Variants in CCDC85C observed in about 807,000 individuals in gnomAD.
CCDC85C encodes coiled-coil domain containing 85C.
Under a neutral mutation model 38.3 loss-of-function variants are expected in CCDC85C, and 18 were observed. The ratio of observed to expected loss-of-function variants is 0.47; its 90% CI spans 0.33 to 0.70. CCDC85C has a LOEUF of 0.70. Among genes scored for constraint, CCDC85C ranks in the 30% least tolerant of loss-of-function variants. CCDC85C has a pLI of 0.03. For missense variants in CCDC85C, 566 were observed against 621.2 expected (o/e 0.91, Z 0.94); for synonymous variants, 264 against 293.8 (o/e 0.90, Z 1.04).
In CCDC85C at chr14:99,501,925, A is replaced by C; in HGVS notation, c.*13321T>G. 3.6e-6 allele frequency: 1 copy of C among 276,666 alleles called. No homozygotes were observed. Among genetic ancestry groups the C allele is most frequent in the Non-Finnish European group, 6.7e-6 (1 of 149,024 alleles). 17.1% of individuals were successfully genotyped at this position (276,666 alleles called of 1,614,324 possible). ...AAACAGTTGAGTGGCTAGGATTTCA[A>C]CAGTTTAAATAACATAAGTCATTTT... On this transcript the variant is annotated 3_prime_UTR_variant, in exon 6 of 6. Coordinates refer to ENST00000380243, the MANE Select transcript of CCDC85C (RefSeq NM_001144995.2).
At chr14:99,595,971 G>A (rs1206763434) in intron 1 of CCDC85C, among the ~76,000 whole-genome samples, 1 of 152,262 alleles carries the variant, frequency 6.6e-6, no homozygotes, top group African/African-American at 2.4e-5. Context: ...TGGGAGTCAA[G>A]AGGACCAGAG....
At position 99,516,120 on chromosome 14, in the gene CCDC85C, G is replaced by T; in HGVS notation, c.1170+68C>A. ...GGAGTCCCACATGGGGAAGGGTATG[G>T]CCATGCTGGGTGGCCCTGGTCGCAC... On this transcript the variant is annotated intron_variant, in intron 5 of 5. Coordinates refer to ENST00000380243, the MANE Select transcript of CCDC85C (RefSeq NM_001144995.2). The surrounding 1 kb of genome is among the most constrained non-coding windows in gnomAD (Gnocchi z 5.5). 1.7e-6 allele frequency: 2 copies of T among 1,193,232 alleles called. No homozygotes were observed. The highest frequency in any genetic ancestry group is 2.4e-6 in the Non-Finnish European group (2 of 823,452). 73.9% of individuals were successfully genotyped at this position (1,193,232 alleles called of 1,614,324 possible).
chr14:99,512,080 T>TATCA lies in CCDC85C; in HGVS notation c.*3162_*3165dup, dbSNP rs1318278539. 6.6e-6 allele frequency: 1 copy of TATCA among 152,256 alleles called. No homozygotes were observed. Among genetic ancestry groups the TATCA allele is most frequent in the East Asian group, 1.9e-4 (1 of 5,196 alleles). 9.4% of individuals were successfully genotyped at this position (152,256 alleles called of 1,614,324 possible). A position where few individuals can be genotyped will look rare whatever the true frequency, so the allele number is the denominator to read the frequency against. On this transcript the variant is annotated 3_prime_UTR_variant, in exon 6 of 6. Coordinates refer to ENST00000380243, the MANE Select transcript of CCDC85C (RefSeq NM_001144995.2). The stretch of plus-strand genomic sequence containing the variant: ...TATTTATCTAGCTCAAAGTAGACAC[T>TATCA]ATCACAATCTTGTTTGTTACTCCTT...
chr14:99,578,257 TGTGA>T (rs1382615252), intron 1 of CCDC85C, among the ~76,000 whole-genome samples: 6 of 148,970 alleles, frequency 4.0e-5, no homozygotes, highest in African/African-American at 1.3e-4. Context: ...TGTGTGTGTG[TGTGA>T]GTGTACACCT....
rs146872719 is a variant in CCDC85C at position 99,565,281 on chromosome 14, G to A, written c.794-29193C>T. On this transcript the variant is annotated intron_variant, in intron 1 of 5. Transcript: ENST00000380243. ...AATCCCCTCCTCCTCCACCACCCCT[G>A]CGGGGCTCAGCTCTGAGCAGGCTCT... Among the ~76,000 whole-genome samples, 246 of 152,254 alleles carry A rather than the reference G, an allele frequency of 1.6e-3. 2 individuals are homozygous for A. The highest frequency in any genetic ancestry group is 5.5e-3 in the African/African-American group (227 of 41,564).
In CCDC85C at chr14:99,517,167, G is replaced by A. The variant is rs1897239838; in HGVS notation, c.992C>T (p.Ala331Val). 1 of 1,548,338 alleles carries A rather than the reference G, an allele frequency of 6.5e-7. No homozygotes were observed. The change falls in exon 4 of 6, where the codon GCA (alanine) becomes GTA (valine). Residue 331 changes from alanine (A) to valine (V), a missense_variant. Around this residue, in one of 3 missense-constraint regions of CCDC85C, gnomAD observed 286 missense variants for 276.4 expected, o/e 1.03. Transcript: ENST00000380243. ...AGAGGGGGGCGAGGGCAGCTCAGGTGCGGGGCAGGCCGGGCCCTGGGGAAG... is the reference window on the plus strand; with the variant it reads ...AGAGGGGGGCGAGGGCAGCTCAGGTACGGGGCAGGCCGGGCCCTGGGGAAG... ...DSLQNGPACP[A>V]PELPSPPSAG... is the part of the protein sequence containing the mutation.
intron 1 of CCDC85C, among the ~76,000 whole-genome samples, chr14:99,593,371 C>T (rs1270003860): frequency 2.0e-5 from 3 of 152,216 alleles, no homozygotes; most frequent in East Asian, 1.9e-4. Flanking sequence ...TCGGTGCCAC[C>T]GGCCCTGCCT....
rs562413009 is a variant in CCDC85C, at chr14:99,572,675, G to A, written c.793+30492C>T. The A allele has an allele frequency of 2.2e-5, 10 of 455,996 alleles. No individual in the cohort carries two copies. In the Middle Eastern group the frequency reaches 9.8e-4, roughly 45 times the overall value. The allele number at this position is 455,996 out of a possible 1,614,324, so 28.2% of individuals were successfully genotyped here. On this transcript the variant is annotated intron_variant, in intron 1 of 5. Transcript: ENST00000380243. The surrounding 1 kb of genome is among the most constrained non-coding windows in gnomAD (Gnocchi z 4.4). Reference sequence around the variant, plus strand: ...CAGGTGACCTGGCCCCTCCTTAAGAGGCCTCCCCTGCCACCATCTGTTTTC... The same window carrying A: ...CAGGTGACCTGGCCCCTCCTTAAGAAGCCTCCCCTGCCACCATCTGTTTTC...
intron 1 of CCDC85C, among the ~76,000 whole-genome samples, chr14:99,599,249 C>T (rs991570505): frequency 1.3e-5 from 2 of 152,006 alleles, no homozygotes; most frequent in Non-Finnish European, 2.9e-5. Flanking sequence ...AATTTTAATC[C>T]GAACTTTAAA....
Position 99,503,162 on chromosome 14 carries a change from A to T in CCDC85C, c.*12084T>A. 1.3e-6 allele frequency: 1 copy of T among 764,442 alleles called. No homozygotes were observed. Among genetic ancestry groups the T allele is most frequent in the South Asian group, 1.5e-5 (1 of 68,698 alleles). The allele number at this position is 764,442 out of a possible 1,614,324, so 47.4% of individuals were successfully genotyped here. ...CTGAAAACAAAGGTGCTCCAAGGAC[A>T]GGCTGCCTCTGAGAACCAGGAGGGG... On this transcript the variant is annotated 3_prime_UTR_variant, in exon 6 of 6. Transcript: ENST00000380243.
chr14:99,577,796 A>AGTGT (rs60084575), intron 1 of CCDC85C, among the ~76,000 whole-genome samples: 8 of 125,132 alleles, frequency 6.4e-5, no homozygotes, highest in African/African-American at 2.7e-4. Flanking sequence ...ATCCCCCATC[A>AGTGT]GTGTGTGTGT....
At position 99,573,000 on chromosome 14, in the gene CCDC85C, G is replaced by T. The variant is rs1418188027; in HGVS notation, c.793+30167C>A. 8.2e-6 allele frequency: 3 copies of T among 367,854 alleles called. No homozygotes were observed. The highest frequency in any genetic ancestry group is 1.6e-5 in the Non-Finnish European group (3 of 186,764). The allele number at this position is 367,854 out of a possible 1,614,324, so 22.8% of individuals were successfully genotyped here. ...CAGCCTCAGAGCAGAAGGCACCCTG[G>T]TGACCGCAGGAGACGCCACACATAA... On this transcript the variant is annotated intron_variant, in intron 1 of 5. Transcript: ENST00000380243. This position sits in a 1 kb window ranked among gnomAD's most constrained non-coding sequence, Gnocchi z 4.4.
At position 99,505,515 on chromosome 14, in the gene CCDC85C, A is replaced by G. The variant is rs1896952208; in HGVS notation, c.*9731T>C. The G allele has an allele frequency of 7.0e-6, 1 of 142,094 alleles. No individual in the cohort carries two copies. The highest frequency in any genetic ancestry group is 2.6e-5 in the African/African-American group (1 of 38,510). The allele number at this position is 142,094 out of a possible 1,614,324, so 8.8% of individuals were successfully genotyped here. On this transcript the variant is annotated 3_prime_UTR_variant, in exon 6 of 6. Coordinates refer to ENST00000380243, the MANE Select transcript of CCDC85C (RefSeq NM_001144995.2). ...CGATCTATCGGGTTAAATAAATTTT[A>G]TCCTTTTTCCTTTTATTTCCAGAGT...
At chr14:99,531,739 G>C (rs1320776867) in intron 2 of CCDC85C, among the ~76,000 whole-genome samples, 1 of 152,078 alleles carries the variant, frequency 6.6e-6, no homozygotes, top group Admixed American at 6.5e-5. Context: ...TTGCGCAGAG[G>C]TGGGGGTTTC....
At chr14:99,571,551 C>T (rs750209509) in intron 1 of CCDC85C, among the ~76,000 whole-genome samples, 15 of 152,194 alleles carry the variant, frequency 9.9e-5, no homozygotes, top group Non-Finnish European at 1.6e-4. Flanking sequence ...GGTTCAGCCA[C>T]GTCTGCAGGG....
chr14:99,571,345 GTAATAATAA>G (rs3070433), intron 1 of CCDC85C, among the ~76,000 whole-genome samples: 3 of 149,916 alleles, frequency 2.0e-5, no homozygotes, highest in Non-Finnish European at 4.4e-5. Flanking sequence ...AGTAGTAGTA[GTAATAATAA>G]TAATAATAAT....
rs1336479016 is a variant in CCDC85C at position 99,516,774 on chromosome 14, A to T, written c.1071+314T>A. 6.6e-6 allele frequency among the ~76,000 whole-genome samples: 1 copy of T among 152,148 alleles called. No homozygotes were observed. The highest frequency in any genetic ancestry group is 6.5e-5 in the Admixed American group (1 of 15,286). Reference sequence around the variant, plus strand: ...TGCACCTGCAGAGGCTGGGCCTGGCAGACCTGAGGTTAGTTCTAGCCCCAC... The same window carrying T: ...TGCACCTGCAGAGGCTGGGCCTGGCTGACCTGAGGTTAGTTCTAGCCCCAC... On this transcript the variant is annotated intron_variant, in intron 4 of 5. Transcript: ENST00000380243. The surrounding 1 kb of genome is among the most constrained non-coding windows in gnomAD (Gnocchi z 5.5).
At position 99,510,356 on chromosome 14, in the gene CCDC85C, G is replaced by C. The variant is rs1367318907; in HGVS notation, c.*4890C>G. The C allele has an allele frequency of 6.4e-7, 1 of 1,572,824 alleles. No individual in the cohort carries two copies. Among genetic ancestry groups the C allele is most frequent in the Non-Finnish European group, 8.6e-7 (1 of 1,160,998 alleles). On this transcript the variant is annotated 3_prime_UTR_variant, in exon 6 of 6. Transcript: ENST00000380243. The stretch of plus-strand genomic sequence containing the variant: ...GGATGTCCACCACCAGCTCCTACAT[G>C]TCTGGAGAGGGCTACCAGAGCCTGC...
chr14:99,555,568 C>T (rs1897994767), intron 1 of CCDC85C, among the ~76,000 whole-genome samples: 1 of 152,178 alleles, frequency 6.6e-6, no homozygotes, highest in Admixed American at 6.5e-5. Flanking sequence ...AAATAAAAAT[C>T]CTGAGTCCAC....
Sources: allele counts gnomAD v4.1 joint callset (sites outside exome capture counted in the v4.1 genomes callset), GRCh38; gene constraint gnomAD v4.1.1; regional missense constraint gnomAD v4.1.1; non-coding constraint Gnocchi (gnomAD v3.1); transcripts MANE v1.5; gene names NCBI Gene and HGNC (gene_info 2026-07-23, HGNC 2026-07-21).